ZNF33A: variants seen among roughly 807,000 people sequenced by gnomAD.
The protein encoded by ZNF33A is zinc finger protein 33A, also known as brain my041 protein.
Under a neutral mutation model 15.9 loss-of-function variants are expected in ZNF33A, and 9 were observed. That is an observed-to-expected ratio of 0.57 (90% confidence interval 0.34 to 0.99). ZNF33A has a LOEUF of 0.99. Ranked by LOEUF, ZNF33A falls within the 50% of genes least tolerant of loss-of-function variation. The pLI, the probability that ZNF33A is intolerant of heterozygous loss-of-function variation, is 0.02. For missense variants in ZNF33A, 843 were observed against 941.6 expected (o/e 0.90, Z 1.37); for synonymous variants, 294 against 324.2 (o/e 0.91, Z 1.00).
downstream of ZNF33A, among the ~76,000 whole-genome samples, chr10:38,060,842 A>C (rs1180909990): frequency 6.6e-6 from 1 of 152,100 alleles, no homozygotes; most frequent in Non-Finnish European, 1.5e-5. Flanking sequence ...GCTGTAATGC[A>C]CTTTTCTTGG....
chr10:38,057,747 G>A lies in ZNF33A; in HGVS notation c.*1187G>A. The A allele has an allele frequency of 1.0e-6, 1 of 985,448 alleles. No homozygotes were observed. The highest frequency in any genetic ancestry group is 1.2e-6 in the Non-Finnish European group (1 of 829,966). The allele number at this position is 985,448 out of a possible 1,614,324, so 61.0% of individuals were successfully genotyped here. On this transcript the variant is annotated 3_prime_UTR_variant, in exon 5 of 5. Coordinates refer to ENST00000432900, the MANE Select transcript of ZNF33A (RefSeq NM_006954.2). ...GCCATGAAGTGCCTAGGGTACATAT[G>A]TGAACATTCCAGCCTTCAGCATAAG...
intron 4 of ZNF33A, among the ~76,000 whole-genome samples, chr10:38,040,644 G>A (rs758363378): frequency 5.3e-5 from 8 of 152,010 alleles, no homozygotes; most frequent in Non-Finnish European, 1.0e-4. Flanking sequence ...GCCATGTGCC[G>A]GATATATCTT....
rs776586900 is a variant in ZNF33A at position 38,056,113 on chromosome 10, G to A, written c.1989G>A (p.Lys663=). Residue 663 remains lysine, a synonymous_variant, in exon 5 of 5, where the codon AAG becomes AAA. Transcript: ENST00000432900. ...ATCAGAGAACCCATACACAAGAAAA[G>A]CCCTATAAATGTAATGAATGTGGAA... is the stretch of plus-strand genomic sequence containing the variant. ...IVHQRTHTQE[K]PYKCNECGKS... 3 of 1,613,844 alleles carry A rather than the reference G, an allele frequency of 1.9e-6. No individual in the cohort carries two copies. In the South Asian group the frequency reaches 3.3e-5, roughly 18 times the overall value.
At chr10:38,046,579 C>T (rs2065955900) in intron 4 of ZNF33A, among the ~76,000 whole-genome samples, 1 of 152,096 alleles carries the variant, frequency 6.6e-6, no homozygotes, top group South Asian at 2.1e-4. Flanking sequence ...CCAAAAGGAC[C>T]CAACATCCAA....
intron 4 of ZNF33A, among the ~76,000 whole-genome samples, chr10:38,047,896 A>T (rs1225471008): frequency 6.6e-6 from 1 of 152,194 alleles, no homozygotes; most frequent in South Asian, 2.1e-4. Flanking sequence ...GCTCTAAATC[A>T]GTGTTAAAAT....
downstream of ZNF33A, among the ~76,000 whole-genome samples, chr10:38,063,002 C>CAAAAAAAAAAAAA (rs373779802): frequency 2.3e-5 from 1 of 44,212 alleles, no homozygotes; most frequent in Non-Finnish European, 4.1e-5. Context: ...GACTCCATCT[C>CAAAAAAAAAAAAA]AAAAAAAAAA....
In ZNF33A at chr10:38,055,848, A is replaced by C. The variant is rs764250342; in HGVS notation, c.1724A>C (p.His575Pro). 1 of 1,614,122 alleles carries C rather than the reference A, an allele frequency of 6.2e-7. No individual in the cohort carries two copies. The highest frequency in any genetic ancestry group is 1.1e-5 in the South Asian group (1 of 91,084). Residue 575 changes from histidine to proline, a missense_variant, in exon 5 of 5, where the codon CAC becomes CCC. Coordinates refer to ENST00000432900, the MANE Select transcript of ZNF33A (RefSeq NM_006954.2). ...KSTLSQHYRT[H>P]TGEKPYECHE... ...ACCCTCTCTCAACATTATAGAACAC[A>C]CACAGGGGAGAAACCCTACGAATGT...
intron 4 of ZNF33A, among the ~76,000 whole-genome samples, chr10:38,021,418 TAGCCA>T: frequency 2.3e-4 from 1 of 4,420 alleles, no homozygotes; most frequent in Non-Finnish European, 4.5e-4. Flanking sequence ...GTAGAATTAC[TAGCCA>T]TGAGGTCAGG....
intron 4 of ZNF33A, among the ~76,000 whole-genome samples, chr10:38,022,440 T>C (rs1799122492): frequency 6.6e-6 from 1 of 152,080 alleles, no homozygotes. Context: ...GTGTATCACC[T>C]GAGGTCAAGA....
Position 38,056,491 on chromosome 10 carries a change from C to T in ZNF33A, c.2367C>T (p.Val789=). The T allele has an allele frequency of 1.2e-6, 2 of 1,612,558 alleles. No homozygotes were observed. Among genetic ancestry groups the T allele is most frequent in the Non-Finnish European group, 1.7e-6 (2 of 1,179,152 alleles). The change falls in exon 5 of 5, where the codon GTC becomes GTT. Residue 789 remains valine, a synonymous_variant. Transcript: ENST00000432900. ...ATATTAGAAATTTCCAGCCACAAGT[C>T]AGCCTCCATAATGCCTCAGAGTATT... The part of the protein sequence containing the change: ...EMDIRNFQPQ[V]SLHNASEYSH...
chr10:38,052,637 T>C (rs1210505853), intron 4 of ZNF33A, among the ~76,000 whole-genome samples: 1 of 152,136 alleles, frequency 6.6e-6, no homozygotes, highest in African/African-American at 2.4e-5. Context: ...AGGAAACTTG[T>C]CTACTTTAGT....
chr10:38,032,811 G>A lies in ZNF33A; in HGVS notation c.250+15425G>A, dbSNP rs1175710977. On this transcript the variant is annotated intron_variant, in intron 4 of 4. Transcript: ENST00000432900. ...CGCTCAGGCTGGAGTACAGTGGCGC[G>A]ATCTTGGCTCACTGCAACTTCACCT... Among the ~76,000 whole-genome samples the A allele has an allele frequency of 8.6e-5, 13 of 151,588 alleles. No individual in the cohort carries two copies. In the East Asian group the frequency reaches 2.2e-3, roughly 25 times the overall value.
At chr10:38,052,827 T>C (rs982695473) in intron 4 of ZNF33A, among the ~76,000 whole-genome samples, 2 of 152,076 alleles carry the variant, frequency 1.3e-5, no homozygotes, top group Non-Finnish European at 2.9e-5. Context: ...GAGAAAACTG[T>C]TGCTGAACAT....
chr10:38,017,717 G>A (rs190078082), intron 4 of ZNF33A: 6 of 192,952 alleles, frequency 3.1e-5, no homozygotes, highest in Middle Eastern at 2.2e-3. Context: ...CTTGTTTTGT[G>A]TTTATTCTGT....
intron 3 of ZNF33A, 92 bp from the exon 4 acceptor site, chr10:38,017,199 C>T (rs1304399982): frequency 5.7e-5 from 80 of 1,398,526 alleles, no homozygotes; most frequent in East Asian, 5.3e-4. Context: ...GTTCCACTGG[C>T]AACTCGAAGC....
rs2066602943 is a variant in ZNF33A at position 38,059,143 on chromosome 10, T to A, written c.*2583T>A. 6.6e-6 allele frequency: 1 copy of A among 152,140 alleles called. No individual in the cohort carries two copies. Among genetic ancestry groups the A allele is most frequent in the Non-Finnish European group, 1.5e-5 (1 of 68,034 alleles). The allele number at this position is 152,140 out of a possible 1,614,324, so 9.4% of individuals were successfully genotyped here. On this transcript the variant is annotated 3_prime_UTR_variant, in exon 5 of 5. Coordinates refer to ENST00000432900, the MANE Select transcript of ZNF33A (RefSeq NM_006954.2). ...CATATCAATAGGTACAGAAAAAGCA[T>A]TTGACAAAATCCAATATCCATTCAT... is the stretch of plus-strand genomic sequence containing the variant.
At chr10:38,044,698 C>T (rs577882493) in intron 4 of ZNF33A, among the ~76,000 whole-genome samples, 7 of 151,586 alleles carry the variant, frequency 4.6e-5, no homozygotes, top group South Asian at 4.2e-4. Flanking sequence ...TTGACAGTCT[C>T]GCTCTGTCAC....
chr10:38,046,800 T>TAA (rs35449020), intron 4 of ZNF33A, among the ~76,000 whole-genome samples: 2 of 150,200 alleles, frequency 1.3e-5, no homozygotes, highest in African/African-American at 4.9e-5. Flanking sequence ...ACGGAAGATT[T>TAA]AAAAAAAAAA....
intron 4 of ZNF33A, among the ~76,000 whole-genome samples, chr10:38,040,316 C>T (rs1312362046): frequency 6.6e-6 from 1 of 152,082 alleles, no homozygotes; most frequent in Non-Finnish European, 1.5e-5. Flanking sequence ...GATCTGGTTG[C>T]TTTAGAGTGT....
Sources: allele counts gnomAD v4.1 joint callset (sites outside exome capture counted in the v4.1 genomes callset), GRCh38; gene constraint gnomAD v4.1.1; transcripts MANE v1.5; gene names NCBI Gene and HGNC (gene_info 2026-07-23, HGNC 2026-07-21).